Variants in KIF5C observed in about 807,000 individuals in gnomAD.
The protein encoded by KIF5C is kinesin heavy chain isoform 5C.
In KIF5C, 18 loss-of-function variants were observed where a neutral mutation model predicts 125.2. The ratio of observed to expected loss-of-function variants is 0.14; its 90% CI spans 0.10 to 0.21. KIF5C has a LOEUF of 0.21. Among genes scored for constraint, KIF5C ranks in the 10% least tolerant of loss-of-function variants. The pLI is 1.00. For synonymous variants in KIF5C, 405 were observed against 434.0 expected (o/e 0.93, Z 0.83); for missense variants, 780 against 1,183.8 (o/e 0.66, Z 5.01).
intron 1 of KIF5C, among the ~76,000 whole-genome samples, chr2:148,894,251 G>T (rs1219142554): frequency 6.6e-6 from 1 of 152,212 alleles, no homozygotes; most frequent in Non-Finnish European, 1.5e-5. Context: ...CAAAAGGAAA[G>T]AAATTAGAGA....
intron 1 of KIF5C, among the ~76,000 whole-genome samples, chr2:148,881,797 AG>A (rs1681367119): frequency 6.9e-6 from 1 of 145,634 alleles, no homozygotes; most frequent in African/African-American, 2.8e-5. Context: ...AAGAGCTAAT[AG>A]AAAGGCTAGG....
chr2:149,021,585 A>G (rs1018263697), intron 25 of KIF5C, among the ~76,000 whole-genome samples: 11 of 152,246 alleles, frequency 7.2e-5, no homozygotes, highest in Admixed American at 5.9e-4. Context: ...TATAAATCAG[A>G]AGAGTGAAGA....
chr2:148,997,198 A>T, intron 17 of KIF5C, 66 bp from the exon 18 acceptor site: 1 of 1,551,440 alleles, frequency 6.4e-7, no homozygotes, highest in African/African-American at 1.4e-5. Flanking sequence ...TTTGTTTTTT[A>T]ATTTTTGCTT....
intron 4 of KIF5C, among the ~76,000 whole-genome samples, chr2:148,939,512 C>T (rs1386568962): frequency 6.6e-6 from 1 of 152,080 alleles, no homozygotes; most frequent in African/African-American, 2.4e-5. Flanking sequence ...GATGTTAAAC[C>T]AATTACTGCC....
chr2:148,928,827 C>T (rs1682101449), intron 2 of KIF5C, among the ~76,000 whole-genome samples: 1 of 152,196 alleles, frequency 6.6e-6, no homozygotes, highest in Admixed American at 6.5e-5. Context: ...GAAACCTCCC[C>T]AAGGAGCTAG....
chr2:148,982,763 TAAAAC>T (rs1037353844), intron 14 of KIF5C, among the ~76,000 whole-genome samples: 1 of 152,246 alleles, frequency 6.6e-6, no homozygotes, highest in African/African-American at 2.4e-5. Context: ...ACTTGCTTCT[TAAAAC>T]AATGAAACAT....
chr2:149,006,225 A>C (rs1411059645), intron 22 of KIF5C, among the ~76,000 whole-genome samples: 1 of 152,088 alleles, frequency 6.6e-6, no homozygotes, highest in African/African-American at 2.4e-5. Context: ...GTGTGTGTGA[A>C]TGTGTGTCAG....
At position 148,947,264 on chromosome 2, in the gene KIF5C, G is replaced by A. The variant is rs756849106; in HGVS notation, c.714+241G>A. The A allele has an allele frequency of 1.1e-4, 57 of 516,976 alleles. 1 individual carries two copies. Among genetic ancestry groups the A allele is most frequent in the Admixed American group, 3.8e-4 (10 of 26,182 alleles). The allele number at this position is 516,976 out of a possible 1,614,324, so 32.0% of individuals were successfully genotyped here. A position where few individuals can be genotyped will look rare whatever the true frequency, so the allele number is the denominator to read the frequency against. On this transcript the variant is annotated intron_variant, in intron 8 of 25. Coordinates refer to ENST00000435030, the MANE Select transcript of KIF5C (RefSeq NM_004522.3). ...GCCAACTCTGATTTATCCCTGATGG[G>A]CCCTTATGATGATATGAGGCAACAG... is the stretch of plus-strand genomic sequence containing the variant.
chr2:148,915,222 G>A (rs1322034309), intron 1 of KIF5C, among the ~76,000 whole-genome samples: 2 of 152,154 alleles, frequency 1.3e-5, no homozygotes. Context: ...TGCGTCTCCT[G>A]TATCGTACAC....
At chr2:148,963,053 G>C (rs1031514518) in intron 11 of KIF5C, among the ~76,000 whole-genome samples, 7 of 152,138 alleles carry the variant, frequency 4.6e-5, no homozygotes, top group African/African-American at 1.4e-4. Context: ...ACATGCAGTG[G>C]GTGGGTGGGT....
intron 2 of KIF5C, among the ~76,000 whole-genome samples, chr2:148,927,813 G>T (rs141783899): frequency 0.01 from 1,523 of 152,028 alleles, 23 homozygotes; most frequent in African/African-American, 0.035. Context: ...TCAAGTTTTT[G>T]CTTCCCACTG....
chr2:148,929,236 G>A, intron 2 of KIF5C, 45 bp from the exon 3 acceptor site: 3 of 1,245,664 alleles, frequency 2.4e-6, no homozygotes, highest in Middle Eastern at 1.9e-4. Flanking sequence ...ACCAGCATAT[G>A]ATCAAAGTAA....
At chr2:148,884,820 A>T (rs913731543) in intron 1 of KIF5C, among the ~76,000 whole-genome samples, 1 of 152,208 alleles carries the variant, frequency 6.6e-6, no homozygotes, top group Non-Finnish European at 1.5e-5. Context: ...AGAAATGCTC[A>T]TACATGTTGA....
chr2:148,933,779 A>T (rs1682227710), intron 3 of KIF5C, among the ~76,000 whole-genome samples: 1 of 149,396 alleles, frequency 6.7e-6, no homozygotes, highest in Non-Finnish European at 1.5e-5. Context: ...GACACACCAT[A>T]TACCACATAC....
chr2:148,971,482 G>A (rs1272615739), intron 11 of KIF5C, among the ~76,000 whole-genome samples: 1 of 152,168 alleles, frequency 6.6e-6, no homozygotes, highest in African/African-American at 2.4e-5. Context: ...GATATTTTAA[G>A]CCAGGAATTG....
At chr2:149,013,700 C>G (rs1435051244) in intron 25 of KIF5C, among the ~76,000 whole-genome samples, 1 of 152,074 alleles carries the variant, frequency 6.6e-6, no homozygotes. Flanking sequence ...ATATACTGGT[C>G]CAGGGATTCT....
chr2:148,996,454 C>T (rs56214677), intron 17 of KIF5C, among the ~76,000 whole-genome samples: 65,211 of 152,134 alleles, frequency 0.43, 16,361 homozygotes, highest in Non-Finnish European at 0.55. Flanking sequence ...CTCTTGCATC[C>T]GGTGGTTCCT....
chr2:148,996,724 C>G (rs1681684874), intron 17 of KIF5C, among the ~76,000 whole-genome samples: 1 of 152,214 alleles, frequency 6.6e-6, no homozygotes, highest in African/African-American at 2.4e-5. Flanking sequence ...AAATGTTATG[C>G]TATCTTTCTG....
rs921821168 is a variant in KIF5C at position 148,876,849 on chromosome 2, C to T, written c.126+1106C>T. Among the ~76,000 whole-genome samples the T allele has an allele frequency of 1.3e-5, 2 of 152,196 alleles. No individual in the cohort carries two copies. The highest frequency in any genetic ancestry group is 6.5e-5 in the Admixed American group (1 of 15,290). Reference sequence around the variant, plus strand: ...GGGAGCCTCCCGGTCCCCGCTGACACGTTCCTGGCAGCCTGCTCCAGGCTG... The same window carrying T: ...GGGAGCCTCCCGGTCCCCGCTGACATGTTCCTGGCAGCCTGCTCCAGGCTG... On this transcript the variant is annotated intron_variant, in intron 1 of 25. Transcript: ENST00000435030. This position sits in a 1 kb window ranked among gnomAD's most constrained non-coding sequence, Gnocchi z 4.7.
Sources: gnomAD v4.1 joint callset for allele counts (sites outside exome capture counted in the v4.1 genomes callset) on GRCh38, gnomAD v4.1.1 for gene constraint, Gnocchi (gnomAD v3.1) non-coding constraint, MANE v1.5 for transcripts, NCBI Gene and HGNC (gene_info 2026-07-23, HGNC 2026-07-21) for gene names.